The following MKS1 variants were observed in gnomAD, a reference collection of about 807,000 sequenced individuals.
MKS1 encodes the protein tectonic-like complex member MKS1.
A neutral mutation model predicts 83.7 loss-of-function variants in MKS1; 70 were observed. The observed-to-expected ratio is 0.84, with a 90% CI of 0.69 to 1.02. The LOEUF is 1.02. Among genes scored for constraint, MKS1 ranks in the 50% least tolerant of loss-of-function variants. The probability of loss-of-function intolerance (pLI) is 0.00; values close to 1 mark genes in which losing one functional copy is unlikely to be tolerated. For synonymous variants in MKS1, 251 were observed against 273.4 expected, an observed-to-expected ratio of 0.92 and a Z score of 0.81; for missense variants, 681 against 726.9, an observed-to-expected ratio of 0.94 and a Z score of 0.73.
At chr17:58,206,592 G>A (rs1968527697) in intron 15 of MKS1, 45 bp from the exon 16 acceptor site, 2 of 1,561,142 alleles carry the variant, frequency 1.3e-6, no homozygotes, top group Non-Finnish European at 1.8e-6. Flanking sequence ...GCTCTCTCTA[G>A]ACACCCCCGC....
At chr17:58,214,953 C>T in intron 4 of MKS1, 115 bp from the exon 5 acceptor site, 1 of 1,492,350 alleles carries the variant, frequency 6.7e-7, no homozygotes, top group Non-Finnish European at 9.0e-7. Flanking sequence ...CCCACAGGTT[C>T]CGCCACCTCA....
intron 9 of MKS1, among the ~76,000 whole-genome samples, 190 bp downstream of exon 9, chr17:58,212,188 A>AT (rs1457786598): frequency 1.3e-5 from 2 of 152,206 alleles, no homozygotes; most frequent in Non-Finnish European, 2.9e-5. Flanking sequence ...TTTTCTTAGC[A>AT]TTAACAGTTC....
At chr17:58,214,884 C>T (rs769805866) in intron 4 of MKS1, 46 bp from the exon 5 acceptor site, 6 of 1,567,716 alleles carry the variant, frequency 3.8e-6, no homozygotes, top group Non-Finnish European at 5.2e-6. Context: ...GTCAGGGCCA[C>T]ATGGAGCCAA....
chr17:58,218,899 G>C, intron 1 of MKS1, 170 bp from the exon 2 acceptor site: 1 of 824,622 alleles, frequency 1.2e-6, no homozygotes, highest in East Asian at 2.6e-5. Flanking sequence ...GAATGAAGGG[G>C]AGAGGGTGTA....
In MKS1 at chr17:58,207,226, A is replaced by AG. The variant is rs1418212004; in HGVS notation, c.1274-9dup. On this transcript the variant is annotated splice_polypyrimidine_tract_variant and intron_variant, in intron 14 of 17. Coordinates refer to ENST00000393119, the MANE Select transcript of MKS1 (RefSeq NM_017777.4). ...CTGTCAGGGTGTGTGAGCCTGCGCAAGGGAAGAGAAGACTGGGGCCAGGTC... is the reference window on the plus strand; with the variant it reads ...CTGTCAGGGTGTGTGAGCCTGCGCAAGGGGAAGAGAAGACTGGGGCCAGGTC... The AG allele has an allele frequency of 1.2e-6, 2 of 1,613,718 alleles. No homozygotes were observed. Among genetic ancestry groups the AG allele is most frequent in the African/African-American group, 2.7e-5 (2 of 74,906 alleles).
Position 58,205,518 on chromosome 17 carries a change from C to G in MKS1, c.*561G>C. Reference sequence around the variant, plus strand: ...AAACACAGTAAAAGATACCACCCAGCTAGCAGAAAGGACTCAGCACTGCCT... The same window carrying G: ...AAACACAGTAAAAGATACCACCCAGGTAGCAGAAAGGACTCAGCACTGCCT... On this transcript the variant is annotated 3_prime_UTR_variant, in exon 18 of 18. Coordinates refer to ENST00000393119, the MANE Select transcript of MKS1 (RefSeq NM_017777.4). 1 of 1,290,126 alleles carries G rather than the reference C, an allele frequency of 7.8e-7. No homozygotes were observed. Among genetic ancestry groups the G allele is most frequent in the Non-Finnish European group, 1.0e-6 (1 of 983,596 alleles). 79.9% of individuals were successfully genotyped at this position (1,290,126 alleles called of 1,614,324 possible). A position where few individuals can be genotyped will look rare whatever the true frequency, so the allele number is the denominator to read the frequency against.
intron 5 of MKS1, among the ~76,000 whole-genome samples, 164 bp downstream of exon 5, chr17:58,214,577 A>G (rs1367603268): frequency 6.6e-6 from 1 of 152,222 alleles, no homozygotes; most frequent in Non-Finnish European, 1.5e-5. Flanking sequence ...AAAAATGTCC[A>G]CATGAAGAGT....
chr17:58,205,640 G>A lies in MKS1; in HGVS notation c.*439C>T, dbSNP rs1033778267. 6 of 1,307,248 alleles carry A rather than the reference G, an allele frequency of 4.6e-6. No individual in the cohort carries two copies. The African/African-American group carries it at 7.6e-5, about 17-fold the overall frequency. The allele number at this position is 1,307,248 out of a possible 1,614,324, so 81.0% of individuals were successfully genotyped here. The stretch of plus-strand genomic sequence containing the variant: ...CCTGGAAAGAGGCTGAGACTCACAG[G>A]CTGGGGATTTAAGACCCTCTCACCG... On this transcript the variant is annotated 3_prime_UTR_variant, in exon 18 of 18. Coordinates refer to ENST00000393119, the MANE Select transcript of MKS1 (RefSeq NM_017777.4).
intron 14 of MKS1, 87 bp from the exon 15 acceptor site, chr17:58,207,305 C>T (rs754258143): frequency 5.7e-6 from 9 of 1,581,952 alleles, no homozygotes; most frequent in South Asian, 2.2e-5. Flanking sequence ...CAGGCCTAGA[C>T]TCAGCTAAAA....
chr17:58,205,917 T>C lies in MKS1; in HGVS notation c.*162A>G. 2 of 1,488,746 alleles carry C rather than the reference T, an allele frequency of 1.3e-6. No individual in the cohort carries two copies. The highest frequency in any genetic ancestry group is 1.3e-5 in the South Asian group (1 of 76,068). 92.2% of individuals were successfully genotyped at this position (1,488,746 alleles called of 1,614,324 possible). ...TTTCCACAGGGTAGGGAGAAGACCC[T>C]GCAGAAGGCTAGGCAGAGGGGCCAG... On this transcript the variant is annotated 3_prime_UTR_variant, in exon 18 of 18. Coordinates refer to ENST00000393119, the MANE Select transcript of MKS1 (RefSeq NM_017777.4).
chr17:58,218,214 C>A (rs1364597778), intron 2 of MKS1, among the ~76,000 whole-genome samples: 2 of 151,956 alleles, frequency 1.3e-5, no homozygotes, highest in Non-Finnish European at 2.9e-5. Flanking sequence ...TTTGGGAGGC[C>A]AAGGCGGGCG....
chr17:58,206,471 T>G lies in MKS1; in HGVS notation c.1484A>C (p.Gln495Pro). The G allele has an allele frequency of 6.2e-7, 1 of 1,614,168 alleles. No homozygotes were observed. Among genetic ancestry groups the G allele is most frequent in the South Asian group, 1.1e-5 (1 of 91,084 alleles). Residue 495 changes from glutamine (Q) to proline (P), a missense_variant, in exon 16 of 18, where the codon CAG (glutamine) becomes CCG (proline). Physicochemically the swap from Gln to Pro is moderately conservative, Grantham distance 76. This residue lies in a region of MKS1 where 310 missense variants were observed against 321.7 expected (regional missense o/e 0.96). Transcript: ENST00000393119. The stretch of plus-strand genomic sequence containing the variant: ...AGAGGGCCAAGTCACTCACCTGGAC[T>G]GCTGCAGACAGTGCAAGCGGAAGGT... ...TVTFRLHCLQQSRAFMESSSL... is the reference protein window; with the variant it reads ...TVTFRLHCLQPSRAFMESSSL...
In MKS1 at chr17:58,205,849, T is replaced by C; in HGVS notation, c.*230A>G. ...GCCTTGCTGTGATGCCCATTGACAG[T>C]GGCTGCAAATATAAAGGGGGGGCCA... On this transcript the variant is annotated 3_prime_UTR_variant, in exon 18 of 18. Coordinates refer to ENST00000393119, the MANE Select transcript of MKS1 (RefSeq NM_017777.4). The C allele has an allele frequency of 7.0e-7, 1 of 1,437,224 alleles. No homozygotes were observed. Among genetic ancestry groups the C allele is most frequent in the Non-Finnish European group, 9.2e-7 (1 of 1,091,638 alleles). The allele number at this position is 1,437,224 out of a possible 1,614,324, so 89.0% of individuals were successfully genotyped here.
chr17:58,210,589 G>A (rs1968814911), intron 11 of MKS1, 70 bp downstream of exon 11: 1 of 1,415,952 alleles, frequency 7.1e-7, no homozygotes. Context: ...AGTGGGAAAG[G>A]AAGCCTGACC....
rs1968481594 is a variant in MKS1, at chr17:58,206,065, A to G, written c.*14T>C. ...ATCTTGTCCTCTTGCACTGTGGGCC[A>G]GGGCTGCTGTGAGCTAGGAGACCAG... On this transcript the variant is annotated 3_prime_UTR_variant, in exon 18 of 18. Coordinates refer to ENST00000393119, the MANE Select transcript of MKS1 (RefSeq NM_017777.4). The G allele has an allele frequency of 6.2e-7, 1 of 1,604,560 alleles. No homozygotes were observed. The highest frequency in any genetic ancestry group is 2.2e-5 in the East Asian group (1 of 44,558).
intron 2 of MKS1, 42 bp downstream of exon 2, chr17:58,218,578 C>CA: frequency 1.5e-6 from 2 of 1,328,014 alleles, no homozygotes; most frequent in Non-Finnish European, 1.1e-6. Context: ...TGATTAGTAT[C>CA]ATAATTAGTA....
Position 58,205,533 on chromosome 17 carries a change from C to T in MKS1, c.*546G>A, listed in dbSNP as rs752254231. ...TACCACCCAGCTAGCAGAAAGGACTCAGCACTGCCTTCAGCCTTCACTTAC... is the reference window on the plus strand; with the variant it reads ...TACCACCCAGCTAGCAGAAAGGACTTAGCACTGCCTTCAGCCTTCACTTAC... On this transcript the variant is annotated 3_prime_UTR_variant, in exon 18 of 18. Transcript: ENST00000393119. 8 of 1,303,028 alleles carry T rather than the reference C, an allele frequency of 6.1e-6. No homozygotes were observed. The highest frequency in any genetic ancestry group is 7.1e-6 in the Non-Finnish European group (7 of 988,564). 80.7% of individuals were successfully genotyped at this position (1,303,028 alleles called of 1,614,324 possible).
chr17:58,216,628 G>A (rs1379370717), intron 3 of MKS1, 38 bp downstream of exon 3: 1 of 1,598,992 alleles, frequency 6.3e-7, no homozygotes, highest in Admixed American at 1.7e-5. Context: ...AGGTAGACCA[G>A]ATGGAATAGA....
intron 5 of MKS1, 147 bp from the exon 6 acceptor site, chr17:58,214,534 T>C (rs1969078015): frequency 1.5e-6 from 2 of 1,366,466 alleles, no homozygotes; most frequent in Non-Finnish European, 2.0e-6. Context: ...CAAACAGAAA[T>C]GACATCCCTT....
Sources: allele counts gnomAD v4.1 joint callset (sites outside exome capture counted in the v4.1 genomes callset), GRCh38; gene constraint gnomAD v4.1.1; regional missense constraint gnomAD v4.1.1; transcripts MANE v1.5; gene names NCBI Gene and HGNC (gene_info 2026-07-23, HGNC 2026-07-21).